BLNK: variants seen among roughly 807,000 people sequenced by gnomAD.
BLNK encodes B-cell linker protein.
Under a neutral mutation model 73.5 loss-of-function variants are expected in BLNK, and 29 were observed. The observed-to-expected ratio is 0.39, with a 90% CI of 0.29 to 0.54. BLNK has a LOEUF of 0.54. BLNK is among the 20% of genes least tolerant of loss of function. The pLI, the probability that BLNK is intolerant of heterozygous loss-of-function variation, is 0.61. For synonymous variants in BLNK, 176 were observed against 200.8 expected (o/e 0.88, Z 1.04); for missense variants, 460 against 562.8 (o/e 0.82, Z 1.85).
intron 3 of BLNK, among the ~76,000 whole-genome samples, chr10:96,234,532 T>G (rs1842628299): frequency 6.6e-6 from 1 of 152,168 alleles, no homozygotes; most frequent in Admixed American, 6.5e-5. Flanking sequence ...AGCTGCTTGG[T>G]CTTGGACCAA....
At chr10:96,268,005 C>G (rs555636864) in intron 1 of BLNK, among the ~76,000 whole-genome samples, 5 of 152,054 alleles carry the variant, frequency 3.3e-5, no homozygotes, top group Non-Finnish European at 7.4e-5. Flanking sequence ...GTGAGGAAAC[C>G]AAGGAGATTA....
At chr10:96,239,476 A>C (rs907305622) in intron 3 of BLNK, among the ~76,000 whole-genome samples, 1 of 152,240 alleles carries the variant, frequency 6.6e-6, no homozygotes, top group Non-Finnish European at 1.5e-5. Context: ...ATGTAGAGCC[A>C]TGAAAAGATT....
chr10:96,190,209 G>A lies in BLNK; in HGVS notation c.*1764C>T, dbSNP rs782075803. 7.8e-6 allele frequency: 6 copies of A among 769,684 alleles called. No individual in the cohort carries two copies. The highest frequency in any genetic ancestry group is 5.4e-5 in the South Asian group (4 of 74,750). The allele number at this position is 769,684 out of a possible 1,614,324, so 47.7% of individuals were successfully genotyped here. On this transcript the variant is annotated 3_prime_UTR_variant, in exon 17 of 17. Transcript: ENST00000224337. ...CAGGGGGCTCACGTCCATGTCCATC[G>A]AATCTTCCATCAGGTGGCGGCACAC...
intron 2 of BLNK, 127 bp from the exon 3 acceptor site, chr10:96,242,911 C>G (rs1432722038): frequency 6.1e-6 from 5 of 825,644 alleles, no homozygotes; most frequent in Admixed American, 1.8e-5. Flanking sequence ...TTGGACCAAT[C>G]AATGGACAGA....
chr10:96,240,550 G>T (rs1004830732), intron 3 of BLNK, among the ~76,000 whole-genome samples: 4 of 152,122 alleles, frequency 2.6e-5, no homozygotes, highest in African/African-American at 9.7e-5. Flanking sequence ...GTGAGCCCCT[G>T]TGCCTGGCTC....
intron 1 of BLNK, among the ~76,000 whole-genome samples, chr10:96,248,388 T>C (rs1843137156): frequency 6.6e-6 from 1 of 152,198 alleles, no homozygotes. Flanking sequence ...AATAGACCAA[T>C]GAAAAGATAT....
intron 13 of BLNK, among the ~76,000 whole-genome samples, chr10:96,201,450 AAT>A (rs1323213630): frequency 6.6e-6 from 1 of 152,230 alleles, no homozygotes; most frequent in African/African-American, 2.4e-5. Context: ...TTGTTTGGAA[AAT>A]ATAGTTATTT....
At chr10:96,215,430 T>TAC in intron 7 of BLNK, 41 bp from the exon 8 acceptor site, 1 of 1,247,298 alleles carries the variant, frequency 8.0e-7, no homozygotes, top group Non-Finnish European at 1.1e-6. Flanking sequence ...TATATATATA[T>TAC]ACATAAAACC....
chr10:96,216,441 G>A (rs782351159), intron 7 of BLNK: 8 of 595,498 alleles, frequency 1.3e-5, no homozygotes, highest in African/African-American at 1.1e-4. Context: ...CATGGAAGAG[G>A]AAGGGGAAGG....
chr10:96,192,254 G>A (rs146164127), intron 16 of BLNK, among the ~76,000 whole-genome samples, 162 bp from the exon 17 acceptor site: 1 of 152,274 alleles, frequency 6.6e-6, no homozygotes, highest in Non-Finnish European at 1.5e-5. Flanking sequence ...AACCTTCAAG[G>A]TGGCAGACCT....
chr10:96,201,417 C>T (rs41296135), intron 13 of BLNK, among the ~76,000 whole-genome samples: 2,255 of 152,168 alleles, frequency 0.015, 23 homozygotes, highest in Non-Finnish European at 0.023. Flanking sequence ...TAAACTAATG[C>T]CACTCTTTTC....
intron 8 of BLNK, among the ~76,000 whole-genome samples, chr10:96,214,159 C>T (rs994420319): frequency 3.3e-5 from 5 of 152,132 alleles, no homozygotes; most frequent in African/African-American, 4.8e-5. Context: ...TGTGTGCACA[C>T]GCGCATATGT....
intron 1 of BLNK, among the ~76,000 whole-genome samples, chr10:96,267,879 C>T (rs997772452): frequency 6.6e-6 from 1 of 152,158 alleles, no homozygotes; most frequent in Non-Finnish European, 1.5e-5. Flanking sequence ...ATATTAATAG[C>T]TACTATTTTG....
intron 7 of BLNK, chr10:96,216,337 A>T (rs1406738728): frequency 2.0e-5 from 7 of 358,396 alleles, no homozygotes; most frequent in Non-Finnish European, 3.7e-5. Flanking sequence ...GGCTTGTGAC[A>T]TTGTATTAGG....
chr10:96,248,373 T>A (rs1843136457), intron 1 of BLNK, among the ~76,000 whole-genome samples: 1 of 152,134 alleles, frequency 6.6e-6, no homozygotes, highest in South Asian at 2.1e-4. Flanking sequence ...CAAATACAAG[T>A]GGTCAATAGA....
At chr10:96,225,138 G>T (rs1356276887) in intron 5 of BLNK, among the ~76,000 whole-genome samples, 11 of 152,232 alleles carry the variant, frequency 7.2e-5, no homozygotes, top group African/African-American at 2.7e-4. Context: ...ATGTGAGAGA[G>T]GCGTTAGGCG....
chr10:96,204,539 CAGGAGGA>C lies in BLNK; in HGVS notation c.888_894del (p.Phe296LeufsTer88). ...AAAGGAAAGGATTCTTACTTCTGGG[CAGGAGGA>C]AACACTGGTGACTGCACAGCTTCTT... On this transcript the variant is annotated frameshift_variant, in exon 12 of 17. Transcript: ENST00000224337. LOFTEE classifies it high-confidence loss of function. 6.2e-7 allele frequency: 1 copy of C among 1,613,952 alleles called. No individual in the cohort carries two copies. Among genetic ancestry groups the C allele is most frequent in the Non-Finnish European group, 8.5e-7 (1 of 1,179,876 alleles).
intron 3 of BLNK, among the ~76,000 whole-genome samples, chr10:96,237,443 A>G (rs587627606): frequency 6.6e-6 from 1 of 152,260 alleles, no homozygotes; most frequent in East Asian, 1.9e-4. Flanking sequence ...GAGGAGTCAC[A>G]CGTGGACCTC....
chr10:96,196,374 GA>G (rs2083465769), intron 16 of BLNK, among the ~76,000 whole-genome samples: 2 of 152,326 alleles, frequency 1.3e-5, no homozygotes, highest in Admixed American at 6.5e-5. Context: ...CCAGATTAAA[GA>G]GGCATTAAAG....
Sources: allele counts gnomAD v4.1 joint callset (sites outside exome capture counted in the v4.1 genomes callset), GRCh38; gene constraint gnomAD v4.1.1; transcripts MANE v1.5; gene names NCBI Gene and HGNC (gene_info 2026-07-23, HGNC 2026-07-21).